CDK14: variants seen among roughly 807,000 people sequenced by gnomAD.
CDK14 encodes cyclin dependent kinase 14.
In CDK14, 34 loss-of-function variants were observed where a neutral mutation model predicts 60.7. The ratio of observed to expected loss-of-function variants is 0.56; its 90% confidence interval spans 0.43 to 0.75. The LOEUF (loss-of-function observed/expected upper bound fraction) is 0.75. Ranked by LOEUF, CDK14 falls within the 30% of genes least tolerant of loss-of-function variation. CDK14 has a pLI of 0.00. For missense variants in CDK14, 482 were observed against 564.1 expected (o/e 0.85, Z 1.47); for synonymous variants, 197 against 203.7 (o/e 0.97, Z 0.28).
At chr7:90,950,157 A>G (rs1488724187) in intron 8 of CDK14, among the ~76,000 whole-genome samples, 1 of 151,992 alleles carries the variant, frequency 6.6e-6, no homozygotes, top group African/African-American at 2.4e-5. Flanking sequence ...GCTCACTGCA[A>G]CCTCCGCCTC....
intron 14 of CDK14, among the ~76,000 whole-genome samples, chr7:91,157,381 T>A (rs1272136444): frequency 6.6e-6 from 1 of 152,216 alleles, no homozygotes; most frequent in African/African-American, 2.4e-5. Flanking sequence ...TCTTGCTAAC[T>A]GTGTGTCCAT....
chr7:90,970,070 G>T (rs1004441231), intron 9 of CDK14, among the ~76,000 whole-genome samples: 1 of 151,230 alleles, frequency 6.6e-6, no homozygotes, highest in Non-Finnish European at 1.5e-5. Flanking sequence ...AGGTTTAAGC[G>T]ATCCTCTGCC....
chr7:90,662,407 G>A (rs1170784776), intron 2 of CDK14, among the ~76,000 whole-genome samples: 3 of 152,216 alleles, frequency 2.0e-5, no homozygotes, highest in Non-Finnish European at 2.9e-5. Context: ...TGAGGAAAGT[G>A]CCCTTGGCAA....
chr7:91,053,989 GTTAT>G (rs1797475083), intron 11 of CDK14, among the ~76,000 whole-genome samples: 3 of 149,360 alleles, frequency 2.0e-5, no homozygotes, highest in African/African-American at 7.5e-5. Context: ...TTCAATATTT[GTTAT>G]TTATACTCTA....
intron 14 of CDK14, among the ~76,000 whole-genome samples, chr7:91,159,746 G>A (rs762985781): frequency 1.3e-5 from 2 of 152,152 alleles, no homozygotes; most frequent in Non-Finnish European, 2.9e-5. Context: ...GAAGTTAGGC[G>A]ATGGGACCAA....
At chr7:90,811,692 G>C (rs1789123010) in intron 5 of CDK14, among the ~76,000 whole-genome samples, 1 of 151,652 alleles carries the variant, frequency 6.6e-6, no homozygotes, top group Admixed American at 6.6e-5. Flanking sequence ...CCTACAGAAT[G>C]GGAGAAAATT....
At chr7:90,635,489 C>T (rs978567736) in intron 2 of CDK14, among the ~76,000 whole-genome samples, 13 of 152,138 alleles carry the variant, frequency 8.5e-5, no homozygotes, top group Non-Finnish European at 1.3e-4. Flanking sequence ...TTCCATTGAT[C>T]TATATCTCTG....
chr7:91,038,019 G>C (rs1404887351), intron 10 of CDK14, among the ~76,000 whole-genome samples: 4 of 152,206 alleles, frequency 2.6e-5, no homozygotes, highest in Non-Finnish European at 5.9e-5. Context: ...GGCAGAAGCT[G>C]AGCAGTCGCT....
chr7:91,041,704 C>G (rs994217564), intron 10 of CDK14, among the ~76,000 whole-genome samples: 1 of 152,202 alleles, frequency 6.6e-6, no homozygotes, highest in African/African-American at 2.4e-5. Context: ...ATTTTACTTA[C>G]AATCCCCCAA....
intron 4 of CDK14, among the ~76,000 whole-genome samples, chr7:90,762,750 C>G (rs1804371378): frequency 6.6e-6 from 1 of 152,152 alleles, no homozygotes; most frequent in Non-Finnish European, 1.5e-5. Context: ...CTTTGGGAGG[C>G]TGAGGCGGGC....
intron 11 of CDK14, among the ~76,000 whole-genome samples, chr7:91,058,017 A>G (rs1486119696): frequency 1.3e-5 from 2 of 152,050 alleles, no homozygotes; most frequent in South Asian, 2.1e-4. Flanking sequence ...TTTTCACGAT[A>G]TTGATTCTTC....
At chr7:91,051,150 G>C (rs771441673) in intron 11 of CDK14, among the ~76,000 whole-genome samples, 5 of 152,102 alleles carry the variant, frequency 3.3e-5, no homozygotes, top group Non-Finnish European at 5.9e-5. Flanking sequence ...TTAACAACCA[G>C]ATCTCTCACC....
At chr7:91,120,978 A>C (rs1799766995) in intron 14 of CDK14, among the ~76,000 whole-genome samples, 2 of 152,252 alleles carry the variant, frequency 1.3e-5, no homozygotes, top group Non-Finnish European at 2.9e-5. Context: ...TCTGTCAGTC[A>C]GCAGAAAAAG....
intron 14 of CDK14, among the ~76,000 whole-genome samples, chr7:91,159,067 C>T (rs1020010699): frequency 6.6e-6 from 1 of 152,150 alleles, no homozygotes; most frequent in Non-Finnish European, 1.5e-5. Flanking sequence ...ATTGTAGTAA[C>T]CAGGCTCCAA....
chr7:91,162,876 A>T (rs1459390062), intron 14 of CDK14, among the ~76,000 whole-genome samples: 1 of 152,194 alleles, frequency 6.6e-6, no homozygotes, highest in Non-Finnish European at 1.5e-5. Context: ...AGGTAGTTGG[A>T]GAGGGCAGCC....
chr7:90,936,304 AT>A (rs1165712330), intron 8 of CDK14, among the ~76,000 whole-genome samples: 4 of 152,190 alleles, frequency 2.6e-5, no homozygotes, highest in Non-Finnish European at 5.9e-5. Flanking sequence ...AAAAGTGGAG[AT>A]TTATGTGAGA....
At chr7:90,996,849 T>C (rs1319156603) in intron 10 of CDK14, among the ~76,000 whole-genome samples, 1 of 152,242 alleles carries the variant, frequency 6.6e-6, no homozygotes, top group Non-Finnish European at 1.5e-5. Flanking sequence ...AATCTGAGTC[T>C]CTGTGTGGGC....
intron 11 of CDK14, among the ~76,000 whole-genome samples, chr7:91,065,994 G>A (rs1313355430): frequency 2.0e-5 from 3 of 152,172 alleles, no homozygotes; most frequent in Admixed American, 6.5e-5. Flanking sequence ...CCCCAGAAAG[G>A]TACTGGGCTC....
At chr7:91,063,827 A>G (rs185072707) in intron 11 of CDK14, among the ~76,000 whole-genome samples, 28 of 152,318 alleles carry the variant, frequency 1.8e-4, no homozygotes, top group Non-Finnish European at 1.6e-4. Flanking sequence ...ATAACTGTAA[A>G]AGATGGTCAG....
Sources: gnomAD v4.1 joint callset for allele counts (sites outside exome capture counted in the v4.1 genomes callset) on GRCh38, gnomAD v4.1.1 for gene constraint, MANE v1.5 for transcripts, NCBI Gene and HGNC (gene_info 2026-07-23, HGNC 2026-07-21) for gene names.